ZNF93: variants seen among roughly 807,000 people sequenced by gnomAD.
ZNF93 encodes zinc finger protein 93.
Under a neutral mutation model 45.0 loss-of-function variants are expected in ZNF93, and 29 were observed. The ratio of observed to expected loss-of-function variants is 0.64; its 90% CI spans 0.48 to 0.88. The LOEUF (loss-of-function observed/expected upper bound fraction) is 0.88. Ranked by LOEUF, ZNF93 falls within the 40% of genes least tolerant of loss-of-function variation. The pLI, the probability that ZNF93 is intolerant of heterozygous loss-of-function variation, is 0.00. For synonymous variants in ZNF93, 223 were observed against 244.6 expected (o/e 0.91, Z 0.82); for missense variants, 578 against 724.0 (o/e 0.80, Z 2.31).
chr19:19,910,303 T>C (rs2063304126), intron 1 of ZNF93, among the ~76,000 whole-genome samples: 1 of 152,180 alleles, frequency 6.6e-6, no homozygotes, highest in Admixed American at 6.5e-5. Context: ...GTTATGTCTT[T>C]CTCCCCCCTT....
intron 3 of ZNF93, among the ~76,000 whole-genome samples, chr19:19,920,067 GTATGATAT>G (rs2122180878): frequency 6.6e-6 from 1 of 152,244 alleles, no homozygotes; most frequent in African/African-American, 2.4e-5. Flanking sequence ...TGCCCATTCA[GTATGATAT>G]TGGCTGTGGG....
intron 1 of ZNF93, among the ~76,000 whole-genome samples, chr19:19,910,771 G>C (rs948952536): frequency 6.6e-6 from 1 of 151,780 alleles, no homozygotes; most frequent in Admixed American, 6.6e-5. Context: ...AGAGCCAGGT[G>C]GATCCTACCT....
In ZNF93 at chr19:19,934,462, C is replaced by A. The variant is rs779664478; in HGVS notation, c.1507C>A (p.His503Asn). Residue 503 changes from histidine to asparagine, a missense_variant, in exon 4 of 4, where the codon CAT becomes AAT. Transcript: ENST00000343769. ...TTCCCTTACTAAACATAAGAAAATTCATACTGGAGAGAAACCCTACAAATG... is the reference window on the plus strand; with the variant it reads ...TTCCCTTACTAAACATAAGAAAATTAATACTGGAGAGAAACCCTACAAATG... The part of the protein sequence containing the change: ...SSSLTKHKKI[H>N]TGEKPYKCEE... 9.3e-6 allele frequency: 15 copies of A among 1,613,102 alleles called. No homozygotes were observed. In the East Asian group the frequency reaches 3.1e-4, roughly 34 times the overall value.
Position 19,934,104 on chromosome 19 carries a change from C to G in ZNF93, c.1149C>G (p.Val383=), listed in dbSNP as rs1174265666. ...GCAAAGCCTTCATTTGGTCCTCAGT[C>G]CTAACTAGACATAAGAGAGTTCATA... ...ECGKAFIWSS[V]LTRHKRVHTG... Residue 383 remains valine (V), a synonymous_variant, in exon 4 of 4, where the codon GTC becomes GTG. Coordinates refer to ENST00000343769, the MANE Select transcript of ZNF93 (RefSeq NM_031218.4). 3.1e-6 allele frequency: 5 copies of G among 1,606,090 alleles called. No homozygotes were observed. The highest frequency in any genetic ancestry group is 4.2e-6 in the Non-Finnish European group (5 of 1,178,138).
In ZNF93 at chr19:19,916,545, T is replaced by G. The variant is rs751412205; in HGVS notation, c.131-15T>G. 8.5e-5 allele frequency: 136 copies of G among 1,605,370 alleles called. No individual in the cohort carries two copies. The highest frequency in any genetic ancestry group is 1.1e-4 in the Non-Finnish European group (132 of 1,173,218). ...ATATGAGCAAGATTCATGTTATTTA[T>G]TCTTAACAAAACAGGTATTGTTGTC... On this transcript the variant is annotated splice_polypyrimidine_tract_variant and intron_variant, in intron 2 of 3. Transcript: ENST00000343769.
chr19:19,915,886 A>G (rs939147500), intron 2 of ZNF93, among the ~76,000 whole-genome samples: 3 of 152,032 alleles, frequency 2.0e-5, no homozygotes, highest in Non-Finnish European at 2.9e-5. Flanking sequence ...TCTTAATCCA[A>G]TCTTTCCACA....
At chr19:19,932,539 A>G (rs1389681316) in intron 3 of ZNF93, 1 of 152,112 alleles carries the variant, frequency 6.6e-6, no homozygotes, top group African/African-American at 2.4e-5. Flanking sequence ...CTTTTTGAAA[A>G]CTGAGTGATA....
intron 1 of ZNF93, chr19:19,909,459 T>C (rs561613334): frequency 6.6e-6 from 1 of 152,370 alleles, no homozygotes; most frequent in South Asian, 2.1e-4. Flanking sequence ...TTATTTGTCA[T>C]TGAATATAAG....
chr19:19,904,673 T>C (rs2063287213), intron 1 of ZNF93, among the ~76,000 whole-genome samples: 1 of 152,290 alleles, frequency 6.6e-6, no homozygotes, highest in Admixed American at 6.5e-5. Context: ...AAGGATATCA[T>C]GGAGCCCTAG....
intron 1 of ZNF93, among the ~76,000 whole-genome samples, chr19:19,913,465 C>T (rs2063315241): frequency 6.6e-6 from 1 of 152,040 alleles, no homozygotes; most frequent in South Asian, 2.1e-4. Context: ...AGTTAAATTC[C>T]ACCTGTGAAC....
intron 3 of ZNF93, among the ~76,000 whole-genome samples, chr19:19,930,920 A>G (rs2063372171): frequency 6.6e-6 from 1 of 151,900 alleles, no homozygotes; most frequent in Non-Finnish European, 1.5e-5. Context: ...TATAATATCA[A>G]TTTTTGTCTT....
chr19:19,914,756 C>A, intron 1 of ZNF93: 2 of 369,750 alleles, frequency 5.4e-6, no homozygotes. Flanking sequence ...TGGAAAAACA[C>A]AGGCTCTTCC....
chr19:19,918,658 A>ATGGTATCTCATT (rs1305919386), intron 3 of ZNF93, among the ~76,000 whole-genome samples: 10 of 152,136 alleles, frequency 6.6e-5, no homozygotes, highest in Non-Finnish European at 1.5e-4. Flanking sequence ...CTGGAGTGAG[A>ATGGTATCTCATT]TGGTATCTCA....
At chr19:19,927,404 A>G in intron 3 of ZNF93, 1 of 387,612 alleles carries the variant, frequency 2.6e-6, no homozygotes, top group Non-Finnish European at 4.5e-6. Context: ...TCACATTGTT[A>G]TGCAAAAGAC....
chr19:19,932,022 T>C (rs2063375955), intron 3 of ZNF93: 1 of 362,576 alleles, frequency 2.8e-6, no homozygotes, highest in African/African-American at 2.3e-5. Context: ...ACGCCTGTTA[T>C]CCCAGCACTT....
intron 3 of ZNF93, among the ~76,000 whole-genome samples, chr19:19,930,045 C>T (rs1170881456): frequency 6.6e-6 from 1 of 151,366 alleles, no homozygotes; most frequent in Non-Finnish European, 1.5e-5. Context: ...ACGTGGAGAC[C>T]GATAGTGGCC....
intron 3 of ZNF93, among the ~76,000 whole-genome samples, chr19:19,928,515 A>T (rs1272779657): frequency 6.9e-6 from 1 of 143,890 alleles, no homozygotes; most frequent in Non-Finnish European, 1.5e-5. Context: ...GCATAATTTT[A>T]GTGTTTTTAA....
chr19:19,932,092 G>GTGAAATCCCATCTCTACTAAAATA, intron 3 of ZNF93: 1 of 268,646 alleles, frequency 3.7e-6, no homozygotes, highest in Non-Finnish European at 7.3e-6. Flanking sequence ...GGCCAACATG[G>GTGAAATCCCATCTCTACTAAAATA]TGAAATCCCA....
intron 1 of ZNF93, among the ~76,000 whole-genome samples, chr19:19,905,762 T>G (rs2063291118): frequency 6.6e-6 from 1 of 151,994 alleles, no homozygotes; most frequent in Admixed American, 6.6e-5. Flanking sequence ...CTGGCCAATT[T>G]TTTTTTTTTC....
Sources: allele counts gnomAD v4.1 joint callset (sites outside exome capture counted in the v4.1 genomes callset), GRCh38; gene constraint gnomAD v4.1.1; transcripts MANE v1.5; gene names NCBI Gene and HGNC (gene_info 2026-07-23, HGNC 2026-07-21).